The following PHF7 variants were observed in gnomAD, a reference collection of about 807,000 sequenced individuals.
PHF7 encodes E3 ubiquitin-protein ligase PHF7.
Under a neutral mutation model 47.5 loss-of-function variants are expected in PHF7, and 24 were observed. The observed-to-expected ratio is 0.51, with a 90% confidence interval of 0.37 to 0.71. The LOEUF (loss-of-function observed/expected upper bound fraction) is 0.71, where lower values mean the gene tolerates loss of function less well. Among genes scored for constraint, PHF7 ranks in the 30% least tolerant of loss-of-function variants. The probability of loss-of-function intolerance (pLI) is 0.00; values close to 1 mark genes in which losing one functional copy is unlikely to be tolerated. For synonymous variants in PHF7, 156 were observed against 153.8 expected (o/e 1.01, Z -0.11); for missense variants, 361 against 456.8 (o/e 0.79, Z 1.91).
intron 4 of PHF7, among the ~76,000 whole-genome samples, chr3:52,417,430 T>C (rs1367325418): frequency 1.3e-5 from 2 of 152,350 alleles, no homozygotes; most frequent in Non-Finnish European, 2.9e-5. Context: ...ACATGGTATA[T>C]TTTTCCACTT....
At chr3:52,413,762 G>A (rs1705536369) in intron 2 of PHF7, among the ~76,000 whole-genome samples, 1 of 152,174 alleles carries the variant, frequency 6.6e-6, no homozygotes, top group South Asian at 2.1e-4. Context: ...TTGAACCCAG[G>A]AGGCAGAGGT....
intron 4 of PHF7, among the ~76,000 whole-genome samples, chr3:52,419,198 C>G (rs979980423): frequency 1.3e-5 from 2 of 152,100 alleles, no homozygotes; most frequent in Non-Finnish European, 2.9e-5. Context: ...GAGAGGCAGC[C>G]TAGAGCAAAA....
chr3:52,415,979 G>C (rs568784616), intron 4 of PHF7, among the ~76,000 whole-genome samples: 4 of 152,304 alleles, frequency 2.6e-5, no homozygotes, highest in Admixed American at 2.6e-4. Flanking sequence ...CAAAGCGGTT[G>C]TACCAGCTTA....
Position 52,414,477 on chromosome 3 carries a change from T to G in PHF7, c.95-19T>G. 1 of 1,484,744 alleles carries G rather than the reference T, an allele frequency of 6.7e-7. No individual in the cohort carries two copies. Among genetic ancestry groups the G allele is most frequent in the Non-Finnish European group, 9.4e-7 (1 of 1,064,890 alleles). The allele number at this position is 1,484,744 out of a possible 1,614,324, so 92.0% of individuals were successfully genotyped here. On this transcript the variant is annotated intron_variant, in intron 3 of 10. Coordinates refer to ENST00000327906, the MANE Select transcript of PHF7 (RefSeq NM_016483.7). ...TTAATGGTCAATTTGAGCCAAATTC[T>G]GGGTGTCCTCTCTTCCAGTTTGCTG...
intron 9 of PHF7, 180 bp downstream of exon 9, chr3:52,422,518 T>A: frequency 1.5e-6 from 1 of 647,040 alleles, no homozygotes; most frequent in Non-Finnish European, 2.7e-6. Flanking sequence ...ACGTCTCCCC[T>A]GCAAGGTCCG....
At chr3:52,411,505 C>T (rs1705432517) in intron 1 of PHF7, among the ~76,000 whole-genome samples, 1 of 152,230 alleles carries the variant, frequency 6.6e-6, no homozygotes, top group Non-Finnish European at 1.5e-5. Flanking sequence ...ACAGTAATTT[C>T]CTCAGTCGTC....
intron 4 of PHF7, among the ~76,000 whole-genome samples, chr3:52,419,005 A>G (rs939190030): frequency 1.3e-5 from 2 of 152,000 alleles, no homozygotes; most frequent in Non-Finnish European, 2.9e-5. Context: ...GGGTTTCACC[A>G]TGTTGGCCAG....
At chr3:52,418,288 CA>C (rs999250582) in intron 4 of PHF7, among the ~76,000 whole-genome samples, 1 of 152,146 alleles carries the variant, frequency 6.6e-6, no homozygotes, top group African/African-American at 2.4e-5. Flanking sequence ...CAAGCATATA[CA>C]TTTTTTACAT....
chr3:52,420,864 A>G, intron 6 of PHF7, 39 bp from the exon 7 acceptor site: 1 of 1,576,484 alleles, frequency 6.3e-7, no homozygotes, highest in Non-Finnish European at 8.6e-7. Flanking sequence ...AAACTACATC[A>G]ATGACAAACC....
At position 52,420,893 on chromosome 3, in the gene PHF7, C is replaced by CCTGCCA. The variant is rs1462034583; in HGVS notation, c.414-8_414-3dup. The CCTGCCA allele has an allele frequency of 6.2e-7, 1 of 1,602,406 alleles. No homozygotes were observed. The highest frequency in any genetic ancestry group is 2.2e-5 in the East Asian group (1 of 44,588). ...ACAAACCAGAAACCAAGTCTGTTTA[C>CCTGCCA]CTGCCACAGATCATTTTGTGACAAA... On this transcript the variant is annotated splice_polypyrimidine_tract_variant and intron_variant, in intron 6 of 10. Coordinates refer to ENST00000327906, the MANE Select transcript of PHF7 (RefSeq NM_016483.7).
At chr3:52,420,633 A>G (rs1162507332) in intron 6 of PHF7, among the ~76,000 whole-genome samples, 198 bp downstream of exon 6, 1 of 152,290 alleles carries the variant, frequency 6.6e-6, no homozygotes, top group Middle Eastern at 3.4e-3. Context: ...CCCTCCTTAA[A>G]TTACAAACAG....
intron 9 of PHF7, 101 bp downstream of exon 9, chr3:52,422,439 G>T: frequency 1.2e-6 from 1 of 832,372 alleles, no homozygotes. Flanking sequence ...CTTGTATGCA[G>T]ACCTTAGGAT....
intron 9 of PHF7, 72 bp downstream of exon 9, chr3:52,422,410 T>C: frequency 1.0e-6 from 1 of 992,320 alleles, no homozygotes; most frequent in Non-Finnish European, 1.6e-6. Flanking sequence ...GCACAGTTAT[T>C]AGAAGTAAGA....
At position 52,422,908 on chromosome 3, in the gene PHF7, C is replaced by T. The variant is rs746400754; in HGVS notation, c.919+27C>T. On this transcript the variant is annotated intron_variant, in intron 10 of 10. Coordinates refer to ENST00000327906, the MANE Select transcript of PHF7 (RefSeq NM_016483.7). The stretch of plus-strand genomic sequence containing the variant: ...TGAGGCTGGAGGGATGGGCCGGCCT[C>T]AGAGCAAGGAGGGGGCTGTAGGGAC... 2.5e-6 allele frequency: 4 copies of T among 1,613,834 alleles called. No homozygotes were observed. In the Admixed American group the frequency reaches 5.0e-5, roughly 20 times the overall value.
intron 6 of PHF7, 40 bp downstream of exon 6, chr3:52,420,475 A>G (rs377186368): frequency 2.0e-4 from 320 of 1,608,090 alleles, no homozygotes; most frequent in Admixed American, 2.8e-4. Context: ...CCTTTTTGCA[A>G]CTTATTATTC....
rs36010847 is a variant in PHF7, at chr3:52,422,820, C to T, written c.858C>T (p.Ser286=). 3,073 of 1,614,058 alleles carry T rather than the reference C, an allele frequency of 1.9e-3. 48 individuals carry two copies. The African/African-American group carries it at 0.037, about 19-fold the overall frequency. Residue 286 remains serine, a synonymous_variant, in exon 10 of 11, where the codon TCC becomes TCT. Transcript: ENST00000327906. ...CGSHGTHRDC[S]SLRSNSKKWE... ...CCCACGGAACCCACAGGGACTGCTC[C>T]TCTCTTAGATCTAACAGTAAGAAAT... is the stretch of plus-strand genomic sequence containing the variant.
Position 52,412,863 on chromosome 3 carries a change from G to T in PHF7, c.-17G>T. ...TAGTATAGAAGAATTCAAGAGAGGA[G>T]AGAGAGACAGCACCGAATGAAGACT... is the stretch of plus-strand genomic sequence containing the variant. On this transcript the variant is annotated 5_prime_UTR_variant, in exon 2 of 11. It introduces an in-frame stop codon into an upstream open reading frame of the 5' UTR. Coordinates refer to ENST00000327906, the MANE Select transcript of PHF7 (RefSeq NM_016483.7). 1 of 1,597,152 alleles carries T rather than the reference G, an allele frequency of 6.3e-7. No homozygotes were observed. The highest frequency in any genetic ancestry group is 8.6e-7 in the Non-Finnish European group (1 of 1,165,460).
At chr3:52,417,457 A>G (rs1705659887) in intron 4 of PHF7, among the ~76,000 whole-genome samples, 1 of 152,214 alleles carries the variant, frequency 6.6e-6, no homozygotes, top group African/African-American at 2.4e-5. Context: ...GTCTTTTAAA[A>G]TATATCTCAG....
chr3:52,413,020 G>A, intron 2 of PHF7, 100 bp downstream of exon 2: 2 of 875,396 alleles, frequency 2.3e-6, no homozygotes, highest in South Asian at 1.4e-5. Context: ...GGGGGTTGAG[G>A]TTGGACAGTG....
Sources: allele counts gnomAD v4.1 joint callset (sites outside exome capture counted in the v4.1 genomes callset), GRCh38; gene constraint gnomAD v4.1.1; transcripts MANE v1.5; gene names NCBI Gene and HGNC (gene_info 2026-07-23, HGNC 2026-07-21).